Variants in LRRC37A2 observed in about 807,000 individuals in gnomAD.
LRRC37A2 encodes the protein leucine rich repeat containing 37 member A2, also known as leucine-rich repeat-containing protein 37A2.
In LRRC37A2, 9 loss-of-function variants were observed where a neutral mutation model predicts 68.8. That is an observed-to-expected ratio of 0.13 (90% CI 0.08 to 0.23). LRRC37A2 has a LOEUF of 0.23. LRRC37A2 is among the 10% of genes least tolerant of loss of function. The pLI is 1.00. For synonymous variants in LRRC37A2, 63 were observed against 367.6 expected, an observed-to-expected ratio of 0.17 and a Z score of 9.48; for missense variants, 168 against 950.4, an observed-to-expected ratio of 0.18 and a Z score of 10.82.
chr17:46,814,517 G>C, the LRRC37A2 span, among the ~76,000 whole-genome samples: 4 of 152,114 alleles, frequency 2.6e-5, no homozygotes, highest in Non-Finnish European at 5.9e-5. Context: ...CCCAGGGAAA[G>C]GTCTGCCCTG....
At chr17:46,847,796 A>C in the LRRC37A2 span, among the ~76,000 whole-genome samples, 3 of 152,102 alleles carry the variant, frequency 2.0e-5, no homozygotes, top group African/African-American at 7.2e-5. Flanking sequence ...GAGGCACAGG[A>C]GATATGGAGC....
chr17:47,044,194 A>G, the LRRC37A2 span, among the ~76,000 whole-genome samples: 6 of 147,544 alleles, frequency 4.1e-5, no homozygotes, highest in East Asian at 1.2e-3. Flanking sequence ...GTTCTGTGGC[A>G]TATTTTTTCT....
chr17:47,003,703 T>C, the LRRC37A2 span, among the ~76,000 whole-genome samples: 379 of 150,912 alleles, frequency 2.5e-3, 1 homozygote, highest in African/African-American at 8.8e-3. Flanking sequence ...CCAGACTCAT[T>C]CACTAAGGTC....
chr17:46,974,987 CTTTTTTTTTTTTTTTTTTTT>C, the LRRC37A2 span, among the ~76,000 whole-genome samples: 1 of 119,062 alleles, frequency 8.4e-6, no homozygotes, highest in Admixed American at 8.9e-5. Flanking sequence ...TTACTATTTT[CTTTTTTTTTTTTTTTTTTTT>C]TTTTTTATGT....
chr17:47,047,578 T>C, the LRRC37A2 span, among the ~76,000 whole-genome samples: 3 of 151,618 alleles, frequency 2.0e-5, no homozygotes, highest in African/African-American at 7.3e-5. Context: ...TTGCCCACAG[T>C]GATAATTTCT....
chr17:46,771,309 G>A, the LRRC37A2 span, among the ~76,000 whole-genome samples: 2 of 152,104 alleles, frequency 1.3e-5, no homozygotes, highest in Non-Finnish European at 2.9e-5. Flanking sequence ...CGGCCTCGGG[G>A]TCCCAGCCGC....
chr17:46,798,821 G>A, the LRRC37A2 span, among the ~76,000 whole-genome samples: 2 of 152,164 alleles, frequency 1.3e-5, no homozygotes, highest in East Asian at 1.9e-4. Flanking sequence ...AGGCCAAGGC[G>A]GGTGGATCAC....
the LRRC37A2 span, among the ~76,000 whole-genome samples, chr17:46,895,746 C>A: frequency 8.2e-4 from 125 of 152,354 alleles, no homozygotes; most frequent in Non-Finnish European, 8.4e-4. Context: ...AGCTTCCCCA[C>A]GGCTCTGTGC....
chr17:47,029,896 C>G, the LRRC37A2 span, among the ~76,000 whole-genome samples: 1 of 151,716 alleles, frequency 6.6e-6, no homozygotes, highest in African/African-American at 2.4e-5. Flanking sequence ...AAACCTGTCT[C>G]TACTAAAAAT....
At chr17:46,605,564 C>T in the LRRC37A2 span, among the ~76,000 whole-genome samples, 1 of 110,938 alleles carries the variant, frequency 9.0e-6, no homozygotes, top group Non-Finnish European at 1.9e-5. Context: ...TAATATTTTC[C>T]ATATGCTTAG....
chr17:46,890,152 T>C, the LRRC37A2 span, among the ~76,000 whole-genome samples: 1 of 152,200 alleles, frequency 6.6e-6, no homozygotes, highest in Non-Finnish European at 1.5e-5. Context: ...CTTCCCTCCC[T>C]GTCAGTCCCC....
the LRRC37A2 span, among the ~76,000 whole-genome samples, chr17:46,816,847 A>T: frequency 6.6e-6 from 1 of 152,190 alleles, no homozygotes; most frequent in African/African-American, 2.4e-5. Context: ...GAAAAACGGC[A>T]TGGCCTTGGC....
At chr17:46,773,950 C>T in the LRRC37A2 span, 20 of 1,599,970 alleles carry the variant, frequency 1.3e-5, no homozygotes, top group Non-Finnish European at 1.6e-5. Flanking sequence ...GGGCACAAAG[C>T]ACAGAGCCCA....
the LRRC37A2 span, among the ~76,000 whole-genome samples, chr17:46,991,233 C>A: frequency 5.3e-5 from 8 of 152,170 alleles, no homozygotes; most frequent in Non-Finnish European, 2.9e-5. Flanking sequence ...CTAAATACTG[C>A]ATATTTGAAT....
chr17:47,044,032 T>C, the LRRC37A2 span, among the ~76,000 whole-genome samples: 1 of 101,054 alleles, frequency 9.9e-6, no homozygotes, highest in Non-Finnish European at 2.0e-5. Flanking sequence ...GCAACAAGAG[T>C]GAGACTCCAT....
At chr17:46,787,822 G>C in the LRRC37A2 span, among the ~76,000 whole-genome samples, 2 of 152,172 alleles carry the variant, frequency 1.3e-5, no homozygotes, top group African/African-American at 4.8e-5. Flanking sequence ...CAGGCGTGGT[G>C]GTGGGCACCT....
chr17:46,911,088 TAAC>T, the LRRC37A2 span, among the ~76,000 whole-genome samples: 9 of 152,198 alleles, frequency 5.9e-5, no homozygotes, highest in Non-Finnish European at 1.2e-4. Context: ...ACTGTGACAA[TAAC>T]ACTCAAAATG....
At chr17:46,923,443 C>G in the LRRC37A2 span, 3 of 1,415,562 alleles carry the variant, frequency 2.1e-6, no homozygotes, top group Non-Finnish European at 1.8e-6. Context: ...GCAGATGACT[C>G]CTGGGGTCTG....
At chr17:46,552,840 A>G (rs1211495063) in intron 11 of LRRC37A2, 1 of 147,242 alleles carries the variant, frequency 6.8e-6, no homozygotes, top group Non-Finnish European at 1.4e-5. Context: ...TGTAATCCCA[A>G]CACATTGGGA....
Sources: allele counts gnomAD v4.1 joint callset (sites outside exome capture counted in the v4.1 genomes callset), GRCh38; gene constraint gnomAD v4.1.1; transcripts MANE v1.5; gene names NCBI Gene and HGNC (gene_info 2026-07-23, HGNC 2026-07-21).